STK39: variants seen among roughly 807,000 people sequenced by gnomAD.
STK39 encodes the protein serine/threonine kinase 39, also known as STE20/SPS1-related proline-alanine-rich protein kinase.
STK39 carries 20 observed loss-of-function variants against 77.8 expected under a neutral mutation model. The ratio of observed to expected loss-of-function variants is 0.26; its 90% CI spans 0.18 to 0.37. The LOEUF (loss-of-function observed/expected upper bound fraction) is 0.37, where lower values mean the gene tolerates loss of function less well. Ranked by LOEUF, STK39 falls within the 10% of genes least tolerant of loss-of-function variation. The probability of loss-of-function intolerance (pLI) is 1.00; values close to 1 mark genes in which losing one functional copy is unlikely to be tolerated. For synonymous variants in STK39, 246 were observed against 234.1 expected, an observed-to-expected ratio of 1.05 and a Z score of -0.47; for missense variants, 479 against 656.5, an observed-to-expected ratio of 0.73 and a Z score of 2.95.
intron 1 of STK39, among the ~76,000 whole-genome samples, chr2:168,192,138 AG>A (rs1224856691): frequency 3.9e-5 from 6 of 152,330 alleles, no homozygotes; most frequent in Non-Finnish European, 7.4e-5. Flanking sequence ...TGACAAGAAC[AG>A]TAACAGGATG....
rs748952353 is a variant in STK39, at chr2:168,181,964, GCA to G, written c.321+12_321+13del. ...GAAAAGCAACCAGCAGGTATTCCCT[GCA>G]CTGTTACTTACTAATAGTTCATCCA... On this transcript the variant is annotated intron_variant, in intron 2 of 17. Transcript: ENST00000355999. 6.2e-7 allele frequency: 1 copy of G among 1,605,468 alleles called. No homozygotes were observed. Among genetic ancestry groups the G allele is most frequent in the Admixed American group, 1.7e-5 (1 of 59,996 alleles).
chr2:168,180,541 G>A (rs1689059132), intron 2 of STK39, among the ~76,000 whole-genome samples: 1 of 151,966 alleles, frequency 6.6e-6, no homozygotes, highest in Admixed American at 6.5e-5. Flanking sequence ...TTTTTAAATC[G>A]CGCAGAGCTG....
chr2:167,989,006 G>A (rs1310932688), intron 16 of STK39, among the ~76,000 whole-genome samples: 1 of 152,140 alleles, frequency 6.6e-6, no homozygotes, highest in Non-Finnish European at 1.5e-5. Flanking sequence ...ACAGAACAAG[G>A]GTGAGTGGCA....
At position 167,955,462 on chromosome 2, in the gene STK39, C is replaced by A; in HGVS notation, c.*34G>T. The A allele has an allele frequency of 6.2e-7, 1 of 1,606,064 alleles. No individual in the cohort carries two copies. Among genetic ancestry groups the A allele is most frequent in the Non-Finnish European group, 8.5e-7 (1 of 1,175,744 alleles). The stretch of plus-strand genomic sequence containing the variant: ...GAAGGGAGTAGGGGTGGCGGTGGGG[C>A]ATGACAGATCAGGGTGACATCAAGG... On this transcript the variant is annotated 3_prime_UTR_variant, in exon 18 of 18. Transcript: ENST00000355999.
intron 14 of STK39, among the ~76,000 whole-genome samples, chr2:168,053,247 C>T (rs905610085): frequency 6.6e-6 from 1 of 151,912 alleles, no homozygotes; most frequent in Non-Finnish European, 1.5e-5. Context: ...TATAAGGAAG[C>T]CATTAAAAAG....
chr2:168,224,535 T>C (rs973230066), intron 1 of STK39, among the ~76,000 whole-genome samples: 14 of 152,148 alleles, frequency 9.2e-5, no homozygotes, highest in African/African-American at 3.4e-4. Flanking sequence ...GATTTTCAAC[T>C]CCTCACCAAA....
intron 14 of STK39, among the ~76,000 whole-genome samples, chr2:168,027,297 C>G (rs116401424): frequency 0.01 from 1,542 of 152,238 alleles, 31 homozygotes; most frequent in African/African-American, 0.035. Flanking sequence ...CATACTTTCC[C>G]CTCCCCTCCA....
chr2:168,230,292 G>A (rs770676789), intron 1 of STK39, among the ~76,000 whole-genome samples: 15 of 152,124 alleles, frequency 9.9e-5, no homozygotes, highest in Non-Finnish European at 1.9e-4. Flanking sequence ...TGGCAGAGTG[G>A]CATTGTGTGA....
chr2:168,040,866 T>C (rs1048195883), intron 14 of STK39, among the ~76,000 whole-genome samples: 4 of 152,218 alleles, frequency 2.6e-5, no homozygotes, highest in South Asian at 2.1e-4. Flanking sequence ...TGCCTTGTTA[T>C]AGAGTAAGCA....
chr2:168,203,924 T>C (rs928129071), intron 1 of STK39, among the ~76,000 whole-genome samples: 1 of 152,106 alleles, frequency 6.6e-6, no homozygotes, highest in African/African-American at 2.4e-5. Flanking sequence ...CTTAAAATGG[T>C]GTTGACGTGA....
chr2:168,193,957 G>T (rs186857865), intron 1 of STK39, among the ~76,000 whole-genome samples: 1 of 152,336 alleles, frequency 6.6e-6, no homozygotes, highest in Admixed American at 6.5e-5. Flanking sequence ...CCCCATGGAA[G>T]GAACTGGAAA....
At chr2:168,070,443 C>G in intron 12 of STK39, among the ~76,000 whole-genome samples, 1 of 140,702 alleles carries the variant, frequency 7.1e-6, no homozygotes, top group East Asian at 2.0e-4. Context: ...TTCGATATTT[C>G]TTTTTTTTTT....
At chr2:168,028,908 T>C (rs1335593511) in intron 14 of STK39, among the ~76,000 whole-genome samples, 1 of 152,202 alleles carries the variant, frequency 6.6e-6, no homozygotes, top group African/African-American at 2.4e-5. Context: ...TCTTAGTAGG[T>C]GTATTTATAC....
chr2:168,209,672 ACT>A (rs751718282), intron 1 of STK39, among the ~76,000 whole-genome samples: 1 of 149,416 alleles, frequency 6.7e-6, no homozygotes, highest in Non-Finnish European at 1.5e-5. Flanking sequence ...CAAGAGCAAA[ACT>A]CTGTCTCAGA....
intron 17 of STK39, among the ~76,000 whole-genome samples, chr2:167,958,108 A>G (rs1691836655): frequency 1.3e-5 from 2 of 152,194 alleles, no homozygotes; most frequent in African/African-American, 2.4e-5. Context: ...AAAGGAACCA[A>G]TGACCCTTCA....
At position 168,101,616 on chromosome 2, in the gene STK39, T is replaced by C. The variant is rs1387766119; in HGVS notation, c.1090-26385A>G. On this transcript the variant is annotated intron_variant, in intron 10 of 17. Transcript: ENST00000355999. ...AGCCAGGCATGGTGGCGTGCACCTA[T>C]AGTCCCAGCTACTCTGGAGGCTGGG... is the stretch of plus-strand genomic sequence containing the variant. 4.6e-5 allele frequency among the ~76,000 whole-genome samples: 7 copies of C among 152,068 alleles called. No individual in the cohort carries two copies. In the South Asian group the frequency reaches 6.2e-4, roughly 14 times the overall value.
intron 10 of STK39, among the ~76,000 whole-genome samples, chr2:168,112,362 G>A (rs78987643): frequency 0.022 from 3,293 of 152,150 alleles, 119 homozygotes; most frequent in African/African-American, 0.075. Flanking sequence ...ACGGGTCAGC[G>A]GAGGGGGCTG....
chr2:168,202,850 G>C (rs1480161228), intron 1 of STK39, among the ~76,000 whole-genome samples: 1 of 152,150 alleles, frequency 6.6e-6, no homozygotes, highest in African/African-American at 2.4e-5. Flanking sequence ...CATATGCAGA[G>C]TATGGTAAGT....
At chr2:168,047,472 T>G (rs1257017136) in intron 14 of STK39, among the ~76,000 whole-genome samples, 1 of 152,188 alleles carries the variant, frequency 6.6e-6, no homozygotes, top group Non-Finnish European at 1.5e-5. Context: ...CCCATCAGCT[T>G]TTTGACTGAG....
Sources: allele counts gnomAD v4.1 joint callset (sites outside exome capture counted in the v4.1 genomes callset), GRCh38; gene constraint gnomAD v4.1.1; transcripts MANE v1.5; gene names NCBI Gene and HGNC (gene_info 2026-07-23, HGNC 2026-07-21).